DLG2: variants seen among roughly 807,000 people sequenced by gnomAD.
DLG2 encodes discs large MAGUK scaffold protein 2, also known as disks large homolog 2.
DLG2 carries 45 observed loss-of-function variants against 132.5 expected under a neutral mutation model. That is an observed-to-expected ratio of 0.34 (90% CI 0.27 to 0.44). DLG2 has a LOEUF of 0.44. DLG2 is among the 20% of genes least tolerant of loss of function. The pLI is 1.00. For synonymous variants in DLG2, 424 were observed against 419.6 expected (o/e 1.01, Z -0.13); for missense variants, 1,045 against 1,196.9 (o/e 0.87, Z 1.87).
chr11:83,662,980 C>T (rs993015366), intron 18 of DLG2, among the ~76,000 whole-genome samples: 2 of 152,168 alleles, frequency 1.3e-5, no homozygotes, highest in Non-Finnish European at 2.9e-5. Context: ...AAACGGCTTC[C>T]TGAGGTTACC....
chr11:84,499,652 A>G (rs926748963), intron 7 of DLG2, among the ~76,000 whole-genome samples: 1 of 152,166 alleles, frequency 6.6e-6, no homozygotes, highest in Non-Finnish European at 1.5e-5. Flanking sequence ...CACTAAATAT[A>G]AATATTTGCC....
chr11:84,596,626 A>G (rs993273465), intron 6 of DLG2, among the ~76,000 whole-genome samples: 1 of 152,112 alleles, frequency 6.6e-6, no homozygotes, highest in African/African-American at 2.4e-5. Context: ...TAGATGGACT[A>G]TGCAGCATTT....
Position 85,125,281 on chromosome 11 carries a change from G to A in DLG2, c.283-13546C>T, listed in dbSNP as rs188744891. 4.6e-5 allele frequency among the ~76,000 whole-genome samples: 7 copies of A among 152,190 alleles called. No individual in the cohort carries two copies. In the South Asian group the frequency reaches 6.2e-4, roughly 14 times the overall value. Reference sequence around the variant, plus strand: ...CAGTCTCATAGCTCTTCATAGCATTGTGTTGTTTTTACTCACAGAATCAAA... The same window carrying A: ...CAGTCTCATAGCTCTTCATAGCATTATGTTGTTTTTACTCACAGAATCAAA... On this transcript the variant is annotated intron_variant, in intron 5 of 27. Transcript: ENST00000376104.
At chr11:84,251,434 A>G in intron 7 of DLG2, 143 bp from the exon 8 acceptor site, 1 of 529,316 alleles carries the variant, frequency 1.9e-6, no homozygotes, top group Non-Finnish European at 3.3e-6. Context: ...AGTAGGGTAA[A>G]TAAAATGACT....
intron 6 of DLG2, among the ~76,000 whole-genome samples, chr11:84,866,189 A>C (rs1020359129): frequency 7.3e-6 from 1 of 136,140 alleles, no homozygotes; most frequent in African/African-American, 2.7e-5. Flanking sequence ...GGGAGCTCCC[A>C]CTAGTGTAGT....
At chr11:84,329,064 A>G (rs1221198332) in intron 7 of DLG2, among the ~76,000 whole-genome samples, 3 of 152,198 alleles carry the variant, frequency 2.0e-5, no homozygotes, top group African/African-American at 7.2e-5. Context: ...CAGAAACAAC[A>G]TGCAGGATAT....
chr11:85,087,433 T>C (rs2068081138), intron 6 of DLG2, among the ~76,000 whole-genome samples: 3 of 152,206 alleles, frequency 2.0e-5, no homozygotes, highest in Non-Finnish European at 4.4e-5. Flanking sequence ...GAGACAGTGA[T>C]GGCCAAAGCC....
At chr11:83,619,800 C>G (rs1489982195) in intron 19 of DLG2, among the ~76,000 whole-genome samples, 1 of 151,902 alleles carries the variant, frequency 6.6e-6, no homozygotes, top group Admixed American at 6.6e-5. Context: ...GGAGAAACTC[C>G]CCACTCATCT....
At chr11:84,562,879 A>T (rs1336519036) in intron 6 of DLG2, among the ~76,000 whole-genome samples, 2 of 151,886 alleles carry the variant, frequency 1.3e-5, no homozygotes, top group African/African-American at 2.4e-5. Context: ...CAACCTCCAA[A>T]ATAGTTGGGA....
chr11:84,403,714 A>T (rs1010631296), intron 7 of DLG2, among the ~76,000 whole-genome samples: 7 of 152,126 alleles, frequency 4.6e-5, no homozygotes, highest in Non-Finnish European at 8.8e-5. Flanking sequence ...TCTTCAATCT[A>T]TTTCTCACTC....
At chr11:83,815,814 C>T (rs991806893) in intron 17 of DLG2, among the ~76,000 whole-genome samples, 4 of 152,204 alleles carry the variant, frequency 2.6e-5, no homozygotes, top group Non-Finnish European at 5.9e-5. Context: ...GATGTCTGCT[C>T]AGATTAAAGC....
intron 18 of DLG2, among the ~76,000 whole-genome samples, chr11:83,743,135 T>C (rs1275198064): frequency 6.6e-6 from 1 of 152,186 alleles, no homozygotes; most frequent in Non-Finnish European, 1.5e-5. Context: ...GCCCTACATT[T>C]AGCTCTACAA....
chr11:84,178,937 C>A (rs1218317114), intron 8 of DLG2, among the ~76,000 whole-genome samples: 2 of 151,440 alleles, frequency 1.3e-5, no homozygotes, highest in Non-Finnish European at 2.9e-5. Context: ...GTAGAGTTTT[C>A]AAAAAAATAT....
At chr11:84,031,093 A>C (rs1193652627) in intron 11 of DLG2, among the ~76,000 whole-genome samples, 1 of 152,100 alleles carries the variant, frequency 6.6e-6, no homozygotes, top group African/African-American at 2.4e-5. Context: ...AACCCAGAAA[A>C]GCCCCAGAAA....
At chr11:85,417,933 C>G (rs2090000823) in intron 3 of DLG2, among the ~76,000 whole-genome samples, 1 of 152,048 alleles carries the variant, frequency 6.6e-6, no homozygotes, top group African/African-American at 2.4e-5. Flanking sequence ...ATGTCTCTAT[C>G]TCTTTCAGTT....
intron 7 of DLG2, among the ~76,000 whole-genome samples, chr11:84,420,259 C>A (rs1175358333): frequency 6.6e-6 from 1 of 152,194 alleles, no homozygotes; most frequent in Non-Finnish European, 1.5e-5. Flanking sequence ...AGGAAATATG[C>A]AAGACTGCAA....
chr11:84,523,191 T>A (rs1426195773), intron 7 of DLG2, among the ~76,000 whole-genome samples: 1 of 152,214 alleles, frequency 6.6e-6, no homozygotes, highest in Non-Finnish European at 1.5e-5. Context: ...CTTTCTATTT[T>A]TTTAATGTGA....
rs200773210 is a variant in DLG2 at position 84,505,109 on chromosome 11, C to T, written c.519+29461G>A. Among the ~76,000 whole-genome samples, 12 of 152,072 alleles carry T rather than the reference C, an allele frequency of 7.9e-5. No individual in the cohort carries two copies. In the East Asian group the frequency reaches 1.7e-3, roughly 22 times the overall value. On this transcript the variant is annotated intron_variant, in intron 7 of 27. Transcript: ENST00000376104. ...CTAAATGATACTTAATCTTTCTATA[C>T]CTCAGTTATGACCCTGGTGATATAG... is the stretch of plus-strand genomic sequence containing the variant.
At chr11:84,995,410 A>C (rs909199871) in intron 6 of DLG2, among the ~76,000 whole-genome samples, 1 of 152,176 alleles carries the variant, frequency 6.6e-6, no homozygotes, top group Non-Finnish European at 1.5e-5. Context: ...TAGTAAATCA[A>C]TTAACAGTGC....
Sources: gnomAD v4.1 joint callset for allele counts (sites outside exome capture counted in the v4.1 genomes callset) on GRCh38, gnomAD v4.1.1 for gene constraint, MANE v1.5 for transcripts, NCBI Gene and HGNC (gene_info 2026-07-23, HGNC 2026-07-21) for gene names.